The following LITAF variants were observed in gnomAD, a reference collection of about 807,000 sequenced individuals.
LITAF encodes the protein lipopolysaccharide induced TNF factor, also known as lipopolysaccharide-induced tumor necrosis factor-alpha factor.
A neutral mutation model predicts 14.5 loss-of-function variants in LITAF; 9 were observed. That is an observed-to-expected ratio of 0.62 (90% CI 0.37 to 1.08). LITAF has a LOEUF of 1.08. Among genes scored for constraint, LITAF ranks in the 50% least tolerant of loss-of-function variants. The pLI, the probability that LITAF is intolerant of heterozygous loss-of-function variation, is 0.01. For synonymous variants in LITAF, 98 were observed against 88.2 expected (o/e 1.11, Z -0.62); for missense variants, 206 against 213.4 (o/e 0.97, Z 0.22).
At chr16:11,608,978 AAC>A (rs764056270) in intron 3 of LITAF, among the ~76,000 whole-genome samples, 610 of 38,656 alleles carry the variant, frequency 0.016, 4 homozygotes, top group Middle Eastern at 0.042. Context: ...AAAACAAACA[AAC>A]AAAAAAAAAC....
intron 1 of LITAF, among the ~76,000 whole-genome samples, chr16:11,594,265 C>G (rs1027282316): frequency 1.3e-5 from 2 of 151,504 alleles, no homozygotes; most frequent in Non-Finnish European, 2.9e-5. Flanking sequence ...ACAGTTTAAA[C>G]TAGTTAAAAT....
rs2064808526 is a variant in LITAF, at chr16:11,586,423, G to A, written c.-6+463C>T. 1 of 152,244 alleles carries A rather than the reference G, an allele frequency of 6.6e-6. No homozygotes were observed. The highest frequency in any genetic ancestry group is 2.4e-5 in the African/African-American group (1 of 41,462). 9.4% of individuals were successfully genotyped at this position (152,244 alleles called of 1,614,324 possible). A position where few individuals can be genotyped will look rare whatever the true frequency, so the allele number is the denominator to read the frequency against. On this transcript the variant is annotated intron_variant, in intron 1 of 3. Coordinates refer to ENST00000622633, the MANE Select transcript of LITAF (RefSeq NM_001136472.2). The surrounding 1 kb of genome is among the most constrained non-coding windows in gnomAD (Gnocchi z 6.5). ...CAAATGTTTGGCAAATAGCATTTGGGAATTCGTTGGGGTTTTTTTGTTTGT... is the reference window on the plus strand; with the variant it reads ...CAAATGTTTGGCAAATAGCATTTGGAAATTCGTTGGGGTTTTTTTGTTTGT...
At chr16:11,608,832 G>T (rs946803447) in intron 3 of LITAF, among the ~76,000 whole-genome samples, 1 of 152,120 alleles carries the variant, frequency 6.6e-6, no homozygotes. Context: ...GCATGGTGCC[G>T]CATGTCTCTA....
chr16:11,639,094 A>G (rs1002675500), upstream of LITAF, among the ~76,000 whole-genome samples: 22 of 151,974 alleles, frequency 1.4e-4, no homozygotes, highest in Non-Finnish European at 1.6e-4. Flanking sequence ...GAGTAAACAA[A>G]TGGGTAGAGG....
chr16:11,628,429 C>T (rs1484929731), intron 3 of LITAF, among the ~76,000 whole-genome samples: 1 of 152,208 alleles, frequency 6.6e-6, no homozygotes. Flanking sequence ...AAGGAGACAT[C>T]CGGAGATCTT....
Position 11,547,894 on chromosome 16 carries a change from G to C in LITAF, c.*1743C>G, listed in dbSNP as rs755358385. The C allele has an allele frequency of 2.2e-6, 1 of 453,946 alleles. No homozygotes were observed. Among genetic ancestry groups the C allele is most frequent in the Non-Finnish European group, 4.4e-6 (1 of 226,808 alleles). 28.1% of individuals were successfully genotyped at this position (453,946 alleles called of 1,614,324 possible). On this transcript the variant is annotated 3_prime_UTR_variant, in exon 4 of 4. Transcript: ENST00000622633. ...TTCAGCAAGTCTGAAGTTTTTAATCGGGAAGGATTTTCTACCGTTACTGAA... is the reference window on the plus strand; with the variant it reads ...TTCAGCAAGTCTGAAGTTTTTAATCCGGAAGGATTTTCTACCGTTACTGAA...
At chr16:11,581,271 A>G (rs2064728303) in intron 1 of LITAF, among the ~76,000 whole-genome samples, 1 of 152,218 alleles carries the variant, frequency 6.6e-6, no homozygotes, top group African/African-American at 2.4e-5. Context: ...TCTCCCCTAC[A>G]TAGGCCAAGA....
chr16:11,604,673 A>T (rs1353185558), intron 3 of LITAF, among the ~76,000 whole-genome samples: 3 of 148,894 alleles, frequency 2.0e-5, no homozygotes, highest in Non-Finnish European at 4.5e-5. Context: ...AAAAGAATCT[A>T]CTAGGTGGTG....
rs568631728 is a variant in LITAF, at chr16:11,620,314, A to G, written c.85+13219T>C. On this transcript the variant is annotated intron_variant, in intron 3 of 3. Transcript: ENST00000574848. ...TCCCCTTGCTGATGAGTGAGCTCTCACTCTGAGTTCATGGGAGATCTGATT... is the reference window on the plus strand; with the variant it reads ...TCCCCTTGCTGATGAGTGAGCTCTCGCTCTGAGTTCATGGGAGATCTGATT... 4.3e-4 allele frequency among the ~76,000 whole-genome samples: 65 copies of G among 152,174 alleles called. 1 individual carries two copies. Among genetic ancestry groups the G allele is most frequent in the African/African-American group, 1.5e-3 (62 of 41,508 alleles).
intron 1 of LITAF, among the ~76,000 whole-genome samples, chr16:11,584,535 T>C (rs1395739209): frequency 6.6e-6 from 1 of 152,192 alleles, no homozygotes; most frequent in African/African-American, 2.4e-5. Flanking sequence ...CACCTGGGCT[T>C]GTCTGTACCT....
intron 3 of LITAF, among the ~76,000 whole-genome samples, chr16:11,612,504 G>T (rs150089445): frequency 6.6e-6 from 1 of 152,248 alleles, no homozygotes; most frequent in African/African-American, 2.4e-5. Context: ...GTCTGACCTC[G>T]TGTGGGTCAC....
chr16:11,612,706 C>T, intron 3 of LITAF, among the ~76,000 whole-genome samples: 1 of 151,956 alleles, frequency 6.6e-6, no homozygotes, highest in South Asian at 2.1e-4. Flanking sequence ...ACCCCATTCT[C>T]CCCTGACATC....
At chr16:11,559,015 A>G (rs2064316578) in intron 1 of LITAF, among the ~76,000 whole-genome samples, 1 of 152,180 alleles carries the variant, frequency 6.6e-6, no homozygotes, top group South Asian at 2.1e-4. Context: ...TGGGAGGTCG[A>G]GGCAGTGGGA....
At chr16:11,554,919 A>C (rs530830519) in intron 2 of LITAF, among the ~76,000 whole-genome samples, 1 of 152,296 alleles carries the variant, frequency 6.6e-6, no homozygotes, top group South Asian at 2.1e-4. Context: ...TCATTTATAT[A>C]ACAAATGAAT....
At chr16:11,630,704 A>G (rs559709881) in intron 3 of LITAF, among the ~76,000 whole-genome samples, 3 of 150,996 alleles carry the variant, frequency 2.0e-5, no homozygotes, top group African/African-American at 7.3e-5. Context: ...TCAGCTTCCT[A>G]GATAGCTGGG....
upstream of LITAF, among the ~76,000 whole-genome samples, chr16:11,637,706 C>T (rs1019828181): frequency 1.3e-5 from 2 of 151,486 alleles, no homozygotes; most frequent in African/African-American, 4.9e-5. Context: ...ACATAAGGAG[C>T]TCCTGTCTCC....
At position 11,558,534 on chromosome 16, in the gene LITAF, C is replaced by A. The variant is rs922906329; in HGVS notation, c.-5-1799G>T. On this transcript the variant is annotated intron_variant, in intron 1 of 3. Coordinates refer to ENST00000622633, the MANE Select transcript of LITAF (RefSeq NM_001136472.2). The surrounding 1 kb of genome is among the most constrained non-coding windows in gnomAD (Gnocchi z 4.1). ...ACCAGCCTGGGCAACATAGTGAGAC[C>A]CTGTCTCTACAACGAATAAAAAAAG... 6.6e-6 allele frequency among the ~76,000 whole-genome samples: 1 copy of A among 151,888 alleles called. No individual in the cohort carries two copies. Among genetic ancestry groups the A allele is most frequent in the South Asian group, 2.1e-4 (1 of 4,808 alleles).
intron 3 of LITAF, among the ~76,000 whole-genome samples, chr16:11,550,468 G>A (rs1171380036): frequency 6.6e-6 from 1 of 152,154 alleles, no homozygotes; most frequent in Non-Finnish European, 1.5e-5. Flanking sequence ...CACTAGGTGT[G>A]TTGTAATTTG....
At chr16:11,551,842 A>T (rs1246969213) in intron 3 of LITAF, 1 of 538,320 alleles carries the variant, frequency 1.9e-6, no homozygotes, top group South Asian at 2.2e-5. Flanking sequence ...AAACAAAACA[A>T]AACAAGTTTC....
Sources: allele counts gnomAD v4.1 joint callset (sites outside exome capture counted in the v4.1 genomes callset), GRCh38; gene constraint gnomAD v4.1.1; non-coding constraint Gnocchi (gnomAD v3.1); transcripts MANE v1.5; gene names NCBI Gene and HGNC (gene_info 2026-07-23, HGNC 2026-07-21).